EFNB1: variants seen among roughly 807,000 people sequenced by gnomAD.
EFNB1 encodes ephrin-B1.
EFNB1 carries 1 observed loss-of-function variant against 18.1 expected under a neutral mutation model. The ratio of observed to expected loss-of-function variants is 0.06; its 90% CI spans 0.02 to 0.26. The LOEUF is 0.26. Among genes scored for constraint, EFNB1 ranks in the 10% least tolerant of loss-of-function variants. The pLI is 1.00. For missense variants in EFNB1, 221 were observed against 301.8 expected, an observed-to-expected ratio of 0.73 and a Z score of 1.98; for synonymous variants, 131 against 127.5, an observed-to-expected ratio of 1.03 and a Z score of -0.19.
chrX:68,830,179 G>A (rs1028503879), intron 1 of EFNB1, among the ~76,000 whole-genome samples: 17 of 111,959 alleles, frequency 1.5e-4, no homozygotes, highest in Non-Finnish European at 3.0e-4. Context: ...GGCGGAGCTG[G>A]GGAGTCCGGG....
In EFNB1 at chrX:68,829,875, G is replaced by A; in HGVS notation, c.99G>A (p.Glu33=). The A allele has an allele frequency of 8.5e-7, 1 of 1,170,532 alleles. No individual in the cohort carries two copies. ...CCACACCGCTGGCCAAGAACCTGGA[G>A]CCCGTATCCTGGAGCTCCCTCAACC... ...RLATPLAKNL[E]PVSWSSLNPK... is the part of the protein sequence containing the mutation. The change falls in exon 1 of 5, where the codon GAG becomes GAA. Residue 33 remains glutamate (E), a synonymous_variant. Coordinates refer to ENST00000204961, the MANE Select transcript of EFNB1 (RefSeq NM_004429.5).
At chrX:68,839,828 G>A (rs2080472008) in intron 3 of EFNB1, 72 bp downstream of exon 3, 1 of 1,176,207 alleles carries the variant, frequency 8.5e-7, no homozygotes, top group Non-Finnish European at 1.2e-6. Context: ...CTGGCTGGGT[G>A]CATGTGTATT....
At chrX:68,831,503 A>T (rs1192912941) in intron 1 of EFNB1, among the ~76,000 whole-genome samples, 1 of 110,606 alleles carries the variant, frequency 9.0e-6, no homozygotes, top group Non-Finnish European at 1.9e-5. Flanking sequence ...CCAGGGGGGA[A>T]CGTTGTGAAG....
rs1470137507 is a variant in EFNB1 at position 68,829,531 on chromosome X, CAGG to C, written c.-243_-241del. 2.7e-5 allele frequency: 12 copies of C among 437,405 alleles called. No individual in the cohort carries two copies. The highest frequency in any genetic ancestry group is 4.3e-5 in the Non-Finnish European group (11 of 257,693). 36.0% of individuals were successfully genotyped at this position (437,405 alleles called of 1,213,427 possible). A position where few individuals can be genotyped will look rare whatever the true frequency, so the allele number is the denominator to read the frequency against. On this transcript the variant is annotated 5_prime_UTR_variant, in exon 1 of 5. Transcript: ENST00000204961. ...GCGCCTCGTGCGGCAGCGGAGAGCC[CAGG>C]AGAACGAGCCCTCGGGGGCCGAAGC...
At chrX:68,840,145 C>T in intron 4 of EFNB1, 57 bp downstream of exon 4, 2 of 1,210,616 alleles carry the variant, frequency 1.7e-6, no homozygotes, top group Non-Finnish European at 2.2e-6. Flanking sequence ...CTTGTTAGGC[C>T]CTGTCCCTGA....
At chrX:68,834,327 A>T (rs1347719858) in intron 1 of EFNB1, among the ~76,000 whole-genome samples, 5 of 112,550 alleles carry the variant, frequency 4.4e-5, no homozygotes, top group South Asian at 3.7e-4. Context: ...CAGAAAGCAG[A>T]CATCGACATC....
At chrX:68,833,710 C>T (rs966468074) in intron 1 of EFNB1, among the ~76,000 whole-genome samples, 4 of 112,254 alleles carry the variant, frequency 3.6e-5, no homozygotes, top group Non-Finnish European at 7.5e-5. Flanking sequence ...GCGTGTTTCA[C>T]GATCATTGTT....
At chrX:68,836,672 G>T (rs2080461522) in intron 1 of EFNB1, among the ~76,000 whole-genome samples, 1 of 112,193 alleles carries the variant, frequency 8.9e-6, no homozygotes, top group African/African-American at 3.2e-5. Flanking sequence ...GGGCCCTCAG[G>T]AAATGGAACC....
chrX:68,834,370 C>T (rs764993938), intron 1 of EFNB1, among the ~76,000 whole-genome samples: 1 of 112,489 alleles, frequency 8.9e-6, no homozygotes, highest in African/African-American at 3.2e-5. Flanking sequence ...ATAATGGACA[C>T]GAGCCTTAGC....
Position 68,836,093 on chromosome X carries a change from G to A in EFNB1, c.129-2524G>A, listed in dbSNP as rs764043524. Among the ~76,000 whole-genome samples the A allele has an allele frequency of 2.1e-4, 23 of 111,735 alleles. No individual in the cohort carries two copies. In the South Asian group the frequency reaches 7.9e-3, roughly 38 times the overall value. On this transcript the variant is annotated intron_variant, in intron 1 of 4. Coordinates refer to ENST00000204961, the MANE Select transcript of EFNB1 (RefSeq NM_004429.5). Reference sequence around the variant, plus strand: ...TGTTTTAGGGCCTCTTAGACCCATCGGGTTATTGTCCTGGGTAGGTTTAGA... The same window carrying A: ...TGTTTTAGGGCCTCTTAGACCCATCAGGTTATTGTCCTGGGTAGGTTTAGA...
intron 1 of EFNB1, among the ~76,000 whole-genome samples, chrX:68,830,147 A>T (rs898441852): frequency 1.8e-5 from 2 of 111,109 alleles, no homozygotes; most frequent in Non-Finnish European, 3.8e-5. Context: ...CACGTCTTGG[A>T]TGAAGTCGAG....
intron 1 of EFNB1, among the ~76,000 whole-genome samples, chrX:68,836,879 C>G (rs2080462008): frequency 9.0e-6 from 1 of 111,322 alleles, no homozygotes; most frequent in South Asian, 3.9e-4. Context: ...TTCACCTCTT[C>G]TTCTGTTTCT....
intron 1 of EFNB1, among the ~76,000 whole-genome samples, chrX:68,832,811 C>CGTGTGTGTGTGTGTGTGTGTGT (rs3085479): frequency 8.2e-5 from 8 of 97,372 alleles, no homozygotes; most frequent in African/African-American, 2.3e-4. Context: ...TCTGTGTGTG[C>CGTGTGTGTGTGTGTGTGTGTGT]GTGTGTGTGT....
intron 4 of EFNB1, 52 bp from the exon 5 acceptor site, chrX:68,840,188 CTG>C: frequency 8.3e-7 from 1 of 1,209,556 alleles, no homozygotes. Flanking sequence ...CTGAAATCTG[CTG>C]TGTGTCCCTG....
At chrX:68,840,167 C>T (rs2080473223) in intron 4 of EFNB1, 75 bp from the exon 5 acceptor site, 26 of 1,208,079 alleles carry the variant, frequency 2.2e-5, no homozygotes, top group Non-Finnish European at 2.7e-5. Flanking sequence ...GAAATGCAAG[C>T]TGGGCCTGGC....
At chrX:68,830,621 G>T (rs2080442386) in intron 1 of EFNB1, among the ~76,000 whole-genome samples, 1 of 112,174 alleles carries the variant, frequency 8.9e-6, no homozygotes, top group African/African-American at 3.2e-5. Context: ...GCCCGTCAGG[G>T]GTCCAATGGA....
At chrX:68,831,411 C>G (rs1223634847) in intron 1 of EFNB1, among the ~76,000 whole-genome samples, 1 of 111,927 alleles carries the variant, frequency 8.9e-6, no homozygotes, top group Non-Finnish European at 1.9e-5. Flanking sequence ...GAATTTCTTT[C>G]CTACCCAGAA....
intron 1 of EFNB1, among the ~76,000 whole-genome samples, chrX:68,834,345 G>T (rs1192418504): frequency 1.8e-5 from 2 of 112,517 alleles, no homozygotes; most frequent in East Asian, 5.6e-4. Flanking sequence ...ATCGAGGAGG[G>T]GGGGTATTAA....
rs1355991753 is a variant in EFNB1 at position 68,838,168 on chromosome X, TGTGTGC to T, written c.129-447_129-442del. ...GTGTGTGTGTGTGTGTGTGTGTGTG[TGTGTGC>T]GCGCGCGCGCGCGCACGTGTGTATG... is the stretch of plus-strand genomic sequence containing the variant. On this transcript the variant is annotated intron_variant, in intron 1 of 4. Transcript: ENST00000204961. Among the ~76,000 whole-genome samples, 526 of 58,163 alleles carry T rather than the reference TGTGTGC, an allele frequency of 9.0e-3. 7 individuals carry two copies. The highest frequency in any genetic ancestry group is 0.034 in the African/African-American group (484 of 14,054). 50.5% of individuals were successfully genotyped at this position (58,163 alleles called of 115,157 possible).
Sources: allele counts gnomAD v4.1 joint callset (sites outside exome capture counted in the v4.1 genomes callset), GRCh38; gene constraint gnomAD v4.1.1; transcripts MANE v1.5; gene names NCBI Gene and HGNC (gene_info 2026-07-23, HGNC 2026-07-21).